CACNA2D1: variants seen among roughly 807,000 people sequenced by gnomAD.
CACNA2D1 encodes the protein calcium voltage-gated channel auxiliary subunit alpha2delta 1, also known as voltage-dependent calcium channel subunit alpha-2/delta-1.
Under a neutral mutation model 171.5 loss-of-function variants are expected in CACNA2D1, and 53 were observed. The observed-to-expected ratio is 0.31, with a 90% CI of 0.25 to 0.39. The LOEUF is 0.39. CACNA2D1 is among the 10% of genes least tolerant of loss of function. The pLI is 1.00. For synonymous variants in CACNA2D1, 442 were observed against 443.1 expected (o/e 1.00, Z 0.03); for missense variants, 903 against 1,299.8 (o/e 0.69, Z 4.69).
intron 1 of CACNA2D1, among the ~76,000 whole-genome samples, chr7:82,362,436 G>A (rs1378331568): frequency 2.6e-5 from 4 of 152,144 alleles, no homozygotes; most frequent in Non-Finnish European, 5.9e-5. Flanking sequence ...CTCTCAAAAT[G>A]TTCCTTCTGT....
At chr7:82,172,985 C>T (rs1796199476) in intron 3 of CACNA2D1, among the ~76,000 whole-genome samples, 1 of 151,956 alleles carries the variant, frequency 6.6e-6, no homozygotes, top group Admixed American at 6.6e-5. Flanking sequence ...GATGCTGTTT[C>T]AGCAAACAAA....
At chr7:82,334,449 G>A (rs187074014) in intron 3 of CACNA2D1, among the ~76,000 whole-genome samples, 12 of 152,090 alleles carry the variant, frequency 7.9e-5, no homozygotes, top group South Asian at 2.1e-4. Context: ...CACCTACAGA[G>A]ACTAAATGAA....
intron 6 of CACNA2D1, among the ~76,000 whole-genome samples, chr7:82,097,935 G>A (rs899665433): frequency 6.6e-6 from 1 of 151,998 alleles, no homozygotes; most frequent in Non-Finnish European, 1.5e-5. Context: ...CCAACATGGT[G>A]AAACCCTGTC....
intron 3 of CACNA2D1, among the ~76,000 whole-genome samples, chr7:82,267,231 T>A (rs1807981765): frequency 6.6e-6 from 1 of 152,228 alleles, no homozygotes; most frequent in African/African-American, 2.4e-5. Flanking sequence ...ACTATGGTTT[T>A]GATTTAAAGG....
At chr7:81,960,241 G>T (rs1793944722) in intron 36 of CACNA2D1, among the ~76,000 whole-genome samples, 1 of 152,026 alleles carries the variant, frequency 6.6e-6, no homozygotes, top group African/African-American at 2.4e-5. Context: ...CAACCTAAGG[G>T]CAGAGAAAAG....
intron 38 of CACNA2D1, among the ~76,000 whole-genome samples, chr7:81,958,925 T>C (rs1409811420): frequency 6.6e-6 from 1 of 151,776 alleles, no homozygotes; most frequent in Non-Finnish European, 1.5e-5. Context: ...AAGACAAATA[T>C]AACTAACAAA....
chr7:82,124,617 G>T (rs768320187), intron 5 of CACNA2D1, among the ~76,000 whole-genome samples: 1 of 152,130 alleles, frequency 6.6e-6, no homozygotes, highest in African/African-American at 2.4e-5. Context: ...AACCTCTAGA[G>T]TGTATTTAAA....
intron 3 of CACNA2D1, among the ~76,000 whole-genome samples, chr7:82,266,388 A>G (rs1807855178): frequency 6.6e-6 from 1 of 152,224 alleles, no homozygotes; most frequent in South Asian, 2.1e-4. Flanking sequence ...AGAAAATTTC[A>G]TGAAAATGGT....
chr7:82,226,819 T>C (rs1802414826), intron 3 of CACNA2D1, among the ~76,000 whole-genome samples: 2 of 152,210 alleles, frequency 1.3e-5, no homozygotes, highest in South Asian at 4.1e-4. Flanking sequence ...CTTTATTATC[T>C]ACTAGATATT....
At chr7:82,205,323 A>G (rs1351498961) in intron 3 of CACNA2D1, among the ~76,000 whole-genome samples, 3 of 152,286 alleles carry the variant, frequency 2.0e-5, no homozygotes, top group Middle Eastern at 3.4e-3. Context: ...TTATATATTC[A>G]TATGAAATGA....
At chr7:82,099,366 ATTCT>A (rs990768922) in intron 6 of CACNA2D1, among the ~76,000 whole-genome samples, 36 of 146,122 alleles carry the variant, frequency 2.5e-4, no homozygotes, top group African/African-American at 7.7e-4. Context: ...TGTTTAATAT[ATTCT>A]TTCTTTTTCT....
chr7:82,016,320 G>A (rs1302298532), intron 12 of CACNA2D1, among the ~76,000 whole-genome samples: 1 of 152,026 alleles, frequency 6.6e-6, no homozygotes, highest in East Asian at 1.9e-4. Flanking sequence ...GATGCTCCAG[G>A]AAGCACTGGG....
chr7:82,092,530 G>T (rs908457467), intron 6 of CACNA2D1, among the ~76,000 whole-genome samples: 1 of 137,124 alleles, frequency 7.3e-6, no homozygotes, highest in Non-Finnish European at 1.5e-5. Context: ...CCACCACCAC[G>T]CCCAGCTAAC....
At chr7:82,360,149 T>C (rs1405118592) in intron 1 of CACNA2D1, among the ~76,000 whole-genome samples, 1 of 152,212 alleles carries the variant, frequency 6.6e-6, no homozygotes, top group African/African-American at 2.4e-5. Flanking sequence ...AACCACCAGA[T>C]AGTAGCCCTC....
At chr7:82,201,506 C>T (rs1339229041) in intron 3 of CACNA2D1, among the ~76,000 whole-genome samples, 2 of 152,166 alleles carry the variant, frequency 1.3e-5, no homozygotes, top group Non-Finnish European at 2.9e-5. Context: ...TCAAAAACGA[C>T]ACTAAGTGTT....
intron 3 of CACNA2D1, among the ~76,000 whole-genome samples, chr7:82,194,096 T>C (rs1798612784): frequency 6.6e-6 from 1 of 152,022 alleles, no homozygotes; most frequent in South Asian, 2.1e-4. Flanking sequence ...TAAATGACTT[T>C]ATTAGAGTAA....
At chr7:82,126,459 T>C (rs1334715956) in intron 5 of CACNA2D1, among the ~76,000 whole-genome samples, 2 of 152,198 alleles carry the variant, frequency 1.3e-5, no homozygotes, top group Non-Finnish European at 2.9e-5. Flanking sequence ...AATCTTACAT[T>C]GAAACATTAT....
rs1584200814 is a variant in CACNA2D1, at chr7:81,963,894, G to A, written c.2780+162C>T. Among the ~76,000 whole-genome samples the A allele has an allele frequency of 2.6e-5, 4 of 151,776 alleles. No individual in the cohort carries two copies. In the South Asian group the frequency reaches 8.3e-4, roughly 32 times the overall value. On this transcript the variant is annotated intron_variant, in intron 34 of 38. Transcript: ENST00000356860. ...ATGGTAACTTTATAGTGTTCACTTA[G>A]GAAAAACTATAAATATTACCAATAG... is the stretch of plus-strand genomic sequence containing the variant.
Position 81,950,188 on chromosome 7 carries a change from C to G in CACNA2D1, c.*204G>C. 1 of 798,878 alleles carries G rather than the reference C, an allele frequency of 1.3e-6. No homozygotes were observed. Among genetic ancestry groups the G allele is most frequent in the Non-Finnish European group, 1.9e-6 (1 of 512,884 alleles). 49.5% of individuals were successfully genotyped at this position (798,878 alleles called of 1,614,324 possible). A position where few individuals can be genotyped will look rare whatever the true frequency, so the allele number is the denominator to read the frequency against. On this transcript the variant is annotated 3_prime_UTR_variant, in exon 39 of 39. Transcript: ENST00000356860. ...TTGATGTTACACATAGATGATGCAG[C>G]ATTCACACACGTTTAAGGATCTGAC... is the stretch of plus-strand genomic sequence containing the variant.
Sources: allele counts gnomAD v4.1 joint callset (sites outside exome capture counted in the v4.1 genomes callset), GRCh38; gene constraint gnomAD v4.1.1; transcripts MANE v1.5; gene names NCBI Gene and HGNC (gene_info 2026-07-23, HGNC 2026-07-21).